Variants in UNC79 observed in about 807,000 individuals in gnomAD.
UNC79 encodes unc-79 subunit of NALCN channel complex.
In UNC79, 37 loss-of-function variants were observed where a neutral mutation model predicts 283.1. That is an observed-to-expected ratio of 0.13 (90% CI 0.10 to 0.17). The LOEUF (loss-of-function observed/expected upper bound fraction) is 0.17. UNC79 is among the 10% of genes least tolerant of loss of function. The probability of loss-of-function intolerance (pLI) is 1.00; values close to 1 mark genes in which losing one functional copy is unlikely to be tolerated. For missense variants in UNC79, 2,272 were observed against 3,211.1 expected, an observed-to-expected ratio of 0.71 and a Z score of 7.07; for synonymous variants, 1,107 against 1,200.2, an observed-to-expected ratio of 0.92 and a Z score of 1.61.
chr14:93,396,703 A>C (rs896317643), intron 1 of UNC79, among the ~76,000 whole-genome samples: 1 of 151,384 alleles, frequency 6.6e-6, no homozygotes, highest in Non-Finnish European at 1.5e-5. Flanking sequence ...TGGTCAGCTA[A>C]TTATTGGATG....
exon 36 of UNC79, chr14:93,653,743 A>G: frequency 1.9e-6 from 3 of 1,612,088 alleles, no homozygotes; most frequent in Non-Finnish European, 2.5e-6. Flanking sequence ...CAACTCCAGC[A>G]TGATGGTTCC....
chr14:93,511,060 AG>A (rs1473145841), intron 7 of UNC79, among the ~76,000 whole-genome samples: 1 of 152,148 alleles, frequency 6.6e-6, no homozygotes, highest in Non-Finnish European at 1.5e-5. Context: ...GCAGAAGGTA[AG>A]GGGGAAGCGG....
chr14:93,448,829 G>C (rs1236416333), intron 1 of UNC79, among the ~76,000 whole-genome samples: 1 of 152,234 alleles, frequency 6.6e-6, no homozygotes. Flanking sequence ...TGGGGATCCA[G>C]AGTTTATGGT....
At chr14:93,637,412 A>G in intron 32 of UNC79, 113 bp downstream of exon 35, 1 of 1,500,018 alleles carries the variant, frequency 6.7e-7, no homozygotes, top group Non-Finnish European at 8.9e-7. Context: ...TGGAGTGGGG[A>G]TGACCTTTGC....
chr14:93,390,593 G>A (rs2402282), intron 1 of UNC79, among the ~76,000 whole-genome samples: 82,469 of 151,932 alleles, frequency 0.54, 22,960 homozygotes, highest in Admixed American at 0.65. Flanking sequence ...TATATTATTA[G>A]CATTAATAAA....
chr14:93,403,318 A>G (rs1406930560), intron 1 of UNC79, among the ~76,000 whole-genome samples: 1 of 152,254 alleles, frequency 6.6e-6, no homozygotes, highest in Non-Finnish European at 1.5e-5. Context: ...TACATTGCCA[A>G]GGTGAAATTC....
At chr14:93,500,023 G>T (rs1041339758) in intron 7 of UNC79, among the ~76,000 whole-genome samples, 4 of 152,078 alleles carry the variant, frequency 2.6e-5, no homozygotes, top group African/African-American at 4.8e-5. Flanking sequence ...CAGAGAGGCT[G>T]ATAGGCCTGG....
At chr14:93,592,848 CA>C (rs2064794998) in intron 22 of UNC79, among the ~76,000 whole-genome samples, 1 of 152,160 alleles carries the variant, frequency 6.6e-6, no homozygotes, top group Non-Finnish European at 1.5e-5. Flanking sequence ...AGGATGTTAT[CA>C]GGGATCTCTT....
intron 24 of UNC79, among the ~76,000 whole-genome samples, chr14:93,599,386 A>G (rs997880753): frequency 7.3e-6 from 1 of 136,816 alleles, no homozygotes; most frequent in African/African-American, 2.8e-5. Context: ...GTGTGTGTGT[A>G]TGTGTGCATA....
intron 1 of UNC79, chr14:93,464,445 T>C (rs2057079954): frequency 4.5e-6 from 2 of 444,684 alleles, no homozygotes; most frequent in South Asian, 1.6e-5. Context: ...AGGACAGCAG[T>C]CAGATTGGAT....
intron 1 of UNC79, among the ~76,000 whole-genome samples, chr14:93,466,019 T>C (rs1483676446): frequency 6.6e-6 from 1 of 152,238 alleles, no homozygotes; most frequent in African/African-American, 2.4e-5. Context: ...AAATGGACTT[T>C]TGTAGATTAT....
chr14:93,688,923 G>A lies in UNC79; in HGVS notation c.7085+83G>A. The A allele has an allele frequency of 6.9e-7, 1 of 1,445,938 alleles. No individual in the cohort carries two copies. Among genetic ancestry groups the A allele is most frequent in the Non-Finnish European group, 9.4e-7 (1 of 1,067,852 alleles). 89.6% of individuals were successfully genotyped at this position (1,445,938 alleles called of 1,614,324 possible). A position where few individuals can be genotyped will look rare whatever the true frequency, so the allele number is the denominator to read the frequency against. On this transcript the variant is annotated intron_variant, in intron 44 of 48. Transcript: ENST00000555664. The surrounding 1 kb of genome is among the most constrained non-coding windows in gnomAD (Gnocchi z 4.0). ...TTCCTCGGGCTCAGCTAGAGTTAAG[G>A]AGTACACCGAAGATTTATGACAGTG... is the stretch of plus-strand genomic sequence containing the variant.
intron 8 of UNC79, among the ~76,000 whole-genome samples, chr14:93,524,612 G>A (rs1458850608): frequency 1.3e-5 from 2 of 152,244 alleles, no homozygotes; most frequent in African/African-American, 4.8e-5. Flanking sequence ...GACAGAACCA[G>A]GTATCTGGAC....
At chr14:93,681,853 GAAAT>G (rs773575812) in intron 41 of UNC79, among the ~76,000 whole-genome samples, 8 of 152,220 alleles carry the variant, frequency 5.3e-5, no homozygotes, top group Non-Finnish European at 8.8e-5. Flanking sequence ...AAATTAAATT[GAAAT>G]CTGGCAAATC....
At chr14:93,370,740 C>A (rs1326645178) in intron 1 of UNC79, among the ~76,000 whole-genome samples, 2 of 151,976 alleles carry the variant, frequency 1.3e-5, no homozygotes, top group African/African-American at 4.8e-5. Flanking sequence ...CCATTGCACT[C>A]CGGCCTGGGC....
exon 20 of UNC79, chr14:93,582,295 C>G (rs1250287598): frequency 6.2e-7 from 1 of 1,614,166 alleles, no homozygotes; most frequent in Non-Finnish European, 8.5e-7. Flanking sequence ...ATCCTGCAAG[C>G]AAGCATGGGG....
intron 14 of UNC79, among the ~76,000 whole-genome samples, chr14:93,569,720 C>G (rs1160093485): frequency 6.6e-6 from 1 of 152,084 alleles, no homozygotes; most frequent in Non-Finnish European, 1.5e-5. Context: ...GTTTACATGT[C>G]CAGGCTGAGG....
Position 93,682,701 on chromosome 14 carries a change from C to A in UNC79, c.6819+7C>A. On this transcript the variant is annotated splice_region_variant and intron_variant, in intron 42 of 48. Transcript: ENST00000555664. Reference sequence around the variant, plus strand: ...GATAGCCTCTGTACCTGGAGTAAGTCCTGACCAAATTCATTGTCTACATAC... The same window carrying A: ...GATAGCCTCTGTACCTGGAGTAAGTACTGACCAAATTCATTGTCTACATAC... 1 of 1,613,192 alleles carries A rather than the reference C, an allele frequency of 6.2e-7. No homozygotes were observed. The highest frequency in any genetic ancestry group is 1.3e-5 in the African/African-American group (1 of 74,980).
At chr14:93,536,545 T>C (rs2061084351) in intron 11 of UNC79, among the ~76,000 whole-genome samples, 1 of 152,236 alleles carries the variant, frequency 6.6e-6, no homozygotes, top group Admixed American at 6.5e-5. Flanking sequence ...CCTTTCAATC[T>C]ACAATGGTAT....
Sources: allele counts gnomAD v4.1 joint callset (sites outside exome capture counted in the v4.1 genomes callset), GRCh38; gene constraint gnomAD v4.1.1; non-coding constraint Gnocchi (gnomAD v3.1); transcripts MANE v1.5; gene names NCBI Gene and HGNC (gene_info 2026-07-23, HGNC 2026-07-21).